Variants in KIAA1549L observed in about 807,000 individuals in gnomAD.
KIAA1549L encodes the protein UPF0606 protein KIAA1549L.
A neutral mutation model predicts 160.7 loss-of-function variants in KIAA1549L; 88 were observed. The ratio of observed to expected loss-of-function variants is 0.55; its 90% CI spans 0.46 to 0.65. The LOEUF (loss-of-function observed/expected upper bound fraction) is 0.65, where lower values mean the gene tolerates loss of function less well. Among genes scored for constraint, KIAA1549L ranks in the 30% least tolerant of loss-of-function variants. The probability of loss-of-function intolerance (pLI) is 0.00; values close to 1 mark genes in which losing one functional copy is unlikely to be tolerated. For missense variants in KIAA1549L, 2,258 were observed against 2,437.5 expected (o/e 0.93, Z 1.55); for synonymous variants, 950 against 976.7 (o/e 0.97, Z 0.51).
At chr11:33,396,709 T>C (rs1306363548) in intron 1 of KIAA1549L, among the ~76,000 whole-genome samples, 1 of 152,136 alleles carries the variant, frequency 6.6e-6, no homozygotes, top group Non-Finnish European at 1.5e-5. Context: ...GCTAGCACTT[T>C]GGGAGGCTAA....
chr11:33,633,769 G>C (rs760536777), intron 16 of KIAA1549L, among the ~76,000 whole-genome samples: 2 of 152,154 alleles, frequency 1.3e-5, no homozygotes, highest in Non-Finnish European at 2.9e-5. Flanking sequence ...TACAGTGTAG[G>C]GGCTGTGCTC....
chr11:33,628,869 T>G (rs1851193662), intron 16 of KIAA1549L, among the ~76,000 whole-genome samples: 1 of 152,072 alleles, frequency 6.6e-6, no homozygotes, highest in African/African-American at 2.4e-5. Context: ...TCATGCAGTT[T>G]CTTCCCAGTC....
At chr11:33,531,751 C>T (rs1394256014) in intron 1 of KIAA1549L, among the ~76,000 whole-genome samples, 1 of 152,138 alleles carries the variant, frequency 6.6e-6, no homozygotes, top group Non-Finnish European at 1.5e-5. Context: ...TGCCAAACTT[C>T]AGCACTTAGG....
intron 1 of KIAA1549L, among the ~76,000 whole-genome samples, chr11:33,436,756 C>T (rs1301906840): frequency 6.6e-6 from 1 of 152,186 alleles, no homozygotes; most frequent in Non-Finnish European, 1.5e-5. Context: ...CTCTTCAATT[C>T]CTCACTCTTA....
At chr11:33,516,919 A>G (rs905981782) in intron 1 of KIAA1549L, among the ~76,000 whole-genome samples, 5 of 152,218 alleles carry the variant, frequency 3.3e-5, no homozygotes, top group Admixed American at 2.0e-4. Flanking sequence ...TAGACTGAAG[A>G]AAGATCCTTG....
intron 20 of KIAA1549L, chr11:33,665,174 T>C (rs1175648127): frequency 1.3e-5 from 2 of 152,486 alleles, no homozygotes; most frequent in African/African-American, 4.8e-5. Flanking sequence ...CGAGTTCTTG[T>C]CCTGGGTCCA....
At chr11:33,422,433 C>T (rs995940335) in intron 1 of KIAA1549L, among the ~76,000 whole-genome samples, 14 of 151,948 alleles carry the variant, frequency 9.2e-5, no homozygotes, top group Non-Finnish European at 1.6e-4. Flanking sequence ...TGCTAGAAAT[C>T]TTCTGTCCTT....
chr11:33,598,793 C>T (rs1850277131), intron 12 of KIAA1549L, 27 bp from the exon 13 acceptor site: 3 of 1,613,234 alleles, frequency 1.9e-6, no homozygotes. Flanking sequence ...AACTTACCGT[C>T]TCCCCTGTTG....
intron 1 of KIAA1549L, among the ~76,000 whole-genome samples, chr11:33,441,461 G>C (rs1172792478): frequency 6.9e-6 from 1 of 145,304 alleles, no homozygotes; most frequent in Non-Finnish European, 1.5e-5. Flanking sequence ...GGGTCAAATG[G>C]TATTTCTAGT....
intron 17 of KIAA1549L, among the ~76,000 whole-genome samples, chr11:33,648,351 A>G (rs1435299551): frequency 6.6e-6 from 1 of 151,900 alleles, no homozygotes; most frequent in African/African-American, 2.4e-5. Context: ...TTCTTTATCA[A>G]CAACCTGTGA....
intron 18 of KIAA1549L, 90 bp from the exon 19 acceptor site, chr11:33,658,660 A>G (rs1164199858): frequency 1.0e-5 from 14 of 1,356,348 alleles, no homozygotes; most frequent in Admixed American, 2.0e-5. Flanking sequence ...GCAGCTGTCC[A>G]TGCCCAAAGG....
chr11:33,665,148 C>A (rs573320205), intron 20 of KIAA1549L: 1 of 152,414 alleles, frequency 6.6e-6, no homozygotes, highest in Admixed American at 6.5e-5. Flanking sequence ...CCTCTGTGGC[C>A]GGTGGTGCTT....
intron 15 of KIAA1549L, among the ~76,000 whole-genome samples, chr11:33,618,013 T>C (rs1850864499): frequency 6.6e-6 from 1 of 152,156 alleles, no homozygotes; most frequent in Admixed American, 6.5e-5. Flanking sequence ...GGCTTCTTAG[T>C]CCGGAAGGAA....
chr11:33,436,335 A>G (rs1293279560), intron 1 of KIAA1549L, among the ~76,000 whole-genome samples: 4 of 152,226 alleles, frequency 2.6e-5, no homozygotes, highest in Admixed American at 6.5e-5. Context: ...GACCCAGGAG[A>G]GCCAATGGTA....
At chr11:33,473,666 A>G (rs1461009112) in intron 1 of KIAA1549L, among the ~76,000 whole-genome samples, 3 of 152,072 alleles carry the variant, frequency 2.0e-5, no homozygotes, top group Admixed American at 6.5e-5. Flanking sequence ...TTGGTCTCAT[A>G]TGCACGTTCC....
At chr11:33,577,461 G>C (rs1418783822) in intron 10 of KIAA1549L, among the ~76,000 whole-genome samples, 2 of 152,186 alleles carry the variant, frequency 1.3e-5, no homozygotes, top group African/African-American at 2.4e-5. Context: ...AGGAATTGTA[G>C]GTGCAAAATC....
intron 17 of KIAA1549L, among the ~76,000 whole-genome samples, chr11:33,654,681 A>G (rs1418708289): frequency 6.6e-6 from 1 of 152,146 alleles, no homozygotes; most frequent in Non-Finnish European, 1.5e-5. Flanking sequence ...TTTCCAGGCC[A>G]CTTCGCCATT....
At chr11:33,583,847 C>G (rs931004143) in intron 11 of KIAA1549L, among the ~76,000 whole-genome samples, 2 of 152,218 alleles carry the variant, frequency 1.3e-5, no homozygotes, top group African/African-American at 4.8e-5. Context: ...TAATCAGACT[C>G]CCTCCTTTCA....
At chr11:33,475,503 G>A (rs1039689480) in intron 1 of KIAA1549L, among the ~76,000 whole-genome samples, 6 of 151,542 alleles carry the variant, frequency 4.0e-5, no homozygotes, top group African/African-American at 1.5e-4. Flanking sequence ...GTTATAGTAA[G>A]CTATAATCAT....
Sources: gnomAD v4.1 joint callset for allele counts (sites outside exome capture counted in the v4.1 genomes callset) on GRCh38, gnomAD v4.1.1 for gene constraint, MANE v1.5 for transcripts, NCBI Gene and HGNC (gene_info 2026-07-23, HGNC 2026-07-21) for gene names.